Variants in UNC13B observed in about 807,000 individuals in gnomAD.
UNC13B encodes the protein protein unc-13 homolog B.
UNC13B carries 144 observed loss-of-function variants against 211.0 expected under a neutral mutation model. The ratio of observed to expected loss-of-function variants is 0.68; its 90% CI spans 0.60 to 0.78. The LOEUF is 0.78. Among genes scored for constraint, UNC13B ranks in the 30% least tolerant of loss-of-function variants. UNC13B has a pLI of 0.00. For missense variants in UNC13B, 1,777 were observed against 2,002.0 expected, an observed-to-expected ratio of 0.89 and a Z score of 2.14; for synonymous variants, 709 against 725.8, an observed-to-expected ratio of 0.98 and a Z score of 0.37.
intron 11 of UNC13B, among the ~76,000 whole-genome samples, chr9:35,364,940 T>C (rs1312157897): frequency 6.6e-6 from 1 of 152,246 alleles, no homozygotes; most frequent in African/African-American, 2.4e-5. Flanking sequence ...CTGCAAACTC[T>C]GGCATATGCT....
At chr9:35,356,807 C>T (rs1833051794) in intron 11 of UNC13B, among the ~76,000 whole-genome samples, 1 of 152,182 alleles carries the variant, frequency 6.6e-6, no homozygotes. Context: ...CATTAATTTA[C>T]TTCCTGTTTC....
At chr9:35,341,903 A>G in intron 11 of UNC13B, 1 of 985,502 alleles carries the variant, frequency 1.0e-6, no homozygotes. Context: ...CTCAGTCTCA[A>G]AGCCCAGAAT....
At chr9:35,228,126 G>A (rs1412463318) in intron 2 of UNC13B, 82 bp downstream of exon 2, 2 of 1,229,996 alleles carry the variant, frequency 1.6e-6, no homozygotes, top group African/African-American at 1.6e-5. Flanking sequence ...TTAATTCATT[G>A]ATCAAATTCA....
chr9:35,183,241 AAG>A (rs1822070394), intron 1 of UNC13B, among the ~76,000 whole-genome samples: 1 of 93,032 alleles, frequency 1.1e-5, no homozygotes, highest in African/African-American at 4.5e-5. Flanking sequence ...CTCCCAGACG[AAG>A]GGCGGCCGGG....
intron 11 of UNC13B, among the ~76,000 whole-genome samples, chr9:35,359,962 C>T (rs1026453797): frequency 1.3e-5 from 2 of 152,206 alleles, no homozygotes; most frequent in South Asian, 4.1e-4. Context: ...CACCAGCATT[C>T]TTATAAAGGC....
rs972322740 is a variant in UNC13B, at chr9:35,271,055, C to T, written c.526+12005C>T. 9.5e-5 allele frequency among the ~76,000 whole-genome samples: 14 copies of T among 147,590 alleles called. No individual in the cohort carries two copies. In the South Asian group the frequency reaches 3.0e-3, roughly 32 times the overall value. On this transcript the variant is annotated intron_variant, in intron 7 of 39. Coordinates refer to ENST00000635942, the MANE Select transcript of UNC13B (RefSeq NM_001371189.2). Reference sequence around the variant, plus strand: ...TCAGGAGGCTGAGACAGGAGAATGGCTTGAACCTGGGAGGTGGAGGTTTTA... The same window carrying T: ...TCAGGAGGCTGAGACAGGAGAATGGTTTGAACCTGGGAGGTGGAGGTTTTA...
chr9:35,382,545 C>T (rs770251295), intron 21 of UNC13B, 38 bp downstream of exon 21: 17 of 1,564,618 alleles, frequency 1.1e-5, no homozygotes, highest in Middle Eastern at 1.7e-4. Flanking sequence ...GCATTTGTTA[C>T]CAATTAATAA....
At chr9:35,231,364 G>A in intron 3 of UNC13B, 145 bp downstream of exon 3, 1 of 557,712 alleles carries the variant, frequency 1.8e-6, no homozygotes, top group African/African-American at 1.9e-5. Context: ...TGAAAACTGT[G>A]GAGTTATAGA....
chr9:35,184,271 G>A lies in UNC13B; in HGVS notation c.22+21966G>A, dbSNP rs534680915. On this transcript the variant is annotated intron_variant, in intron 1 of 39. Transcript: ENST00000635942. ...CCTCCCCACATCCCAGACGATGGGC[G>A]GCCAGGCAGAGACGCTGCCCACTTC... 7.4e-3 allele frequency among the ~76,000 whole-genome samples: 1,124 copies of A among 152,058 alleles called. 7 individuals carry two copies. Among genetic ancestry groups the A allele is most frequent in the Non-Finnish European group, 0.011 (724 of 67,954 alleles).
At chr9:35,264,850 CCCCTT>C (rs1382190108) in intron 7 of UNC13B, among the ~76,000 whole-genome samples, 2 of 152,180 alleles carry the variant, frequency 1.3e-5, no homozygotes, top group Non-Finnish European at 2.9e-5. Context: ...GGACCTGTCA[CCCCTT>C]CCTTTCTTCC....
chr9:35,377,273 A>G (rs1435684514), intron 15 of UNC13B, among the ~76,000 whole-genome samples, 195 bp from the exon 16 acceptor site: 1 of 152,252 alleles, frequency 6.6e-6, no homozygotes, highest in South Asian at 2.1e-4. Context: ...GACAAATGCT[A>G]GTAATGACTT....
At chr9:35,310,901 C>A in intron 10 of UNC13B, 120 bp downstream of exon 10, 1 of 904,598 alleles carries the variant, frequency 1.1e-6, no homozygotes, top group Non-Finnish European at 1.7e-6. Context: ...TAGTTAACAC[C>A]TCCAGGCTCA....
At chr9:35,226,352 G>A (rs1045814724) in intron 1 of UNC13B, among the ~76,000 whole-genome samples, 2 of 152,110 alleles carry the variant, frequency 1.3e-5, no homozygotes, top group Non-Finnish European at 2.9e-5. Context: ...AGAACTGATA[G>A]GGTGTGTGTG....
chr9:35,218,266 A>C (rs1389170378), intron 1 of UNC13B, among the ~76,000 whole-genome samples: 10 of 152,140 alleles, frequency 6.6e-5, no homozygotes, highest in Non-Finnish European at 1.3e-4. Context: ...GATGGCAAGA[A>C]GCAACATAGG....
chr9:35,336,311 C>A (rs1369945035), intron 11 of UNC13B, among the ~76,000 whole-genome samples: 1 of 151,930 alleles, frequency 6.6e-6, no homozygotes, highest in Non-Finnish European at 1.5e-5. Context: ...TTTCTTACTA[C>A]CCCGTCAAAC....
chr9:35,388,117 A>G (rs1835297787), intron 24 of UNC13B, among the ~76,000 whole-genome samples: 1 of 152,076 alleles, frequency 6.6e-6, no homozygotes, highest in Non-Finnish European at 1.5e-5. Flanking sequence ...ATTTAAAGAA[A>G]TATAAGCAGG....
At chr9:35,296,399 A>G (rs1829362099) in intron 8 of UNC13B, among the ~76,000 whole-genome samples, 1 of 152,228 alleles carries the variant, frequency 6.6e-6, no homozygotes, top group Non-Finnish European at 1.5e-5. Context: ...TTATTTCTTA[A>G]ATATATAAAA....
chr9:35,391,874 T>G (rs1157940186), intron 26 of UNC13B, among the ~76,000 whole-genome samples: 1 of 152,226 alleles, frequency 6.6e-6, no homozygotes, highest in African/African-American at 2.4e-5. Context: ...GCCTCTTGCA[T>G]GATGACAGCT....
intron 1 of UNC13B, among the ~76,000 whole-genome samples, chr9:35,226,303 C>CA (rs1824837017): frequency 6.6e-6 from 1 of 152,132 alleles, no homozygotes; most frequent in Admixed American, 6.5e-5. Flanking sequence ...CCCCTGCCCC[C>CA]AGAAAGAACC....
Sources: allele counts gnomAD v4.1 joint callset (sites outside exome capture counted in the v4.1 genomes callset), GRCh38; gene constraint gnomAD v4.1.1; transcripts MANE v1.5; gene names NCBI Gene and HGNC (gene_info 2026-07-23, HGNC 2026-07-21).